CMSS1: variants seen among roughly 807,000 people sequenced by gnomAD.
The protein encoded by CMSS1 is cms1 ribosomal small subunit homolog.
CMSS1 carries 33 observed loss-of-function variants against 43.5 expected under a neutral mutation model. The observed-to-expected ratio is 0.76, with a 90% confidence interval of 0.57 to 1.01. The LOEUF is 1.01. Among genes scored for constraint, CMSS1 ranks in the 50% least tolerant of loss-of-function variants. CMSS1 has a pLI of 0.00. For synonymous variants in CMSS1, 115 were observed against 117.2 expected (o/e 0.98, Z 0.12); for missense variants, 313 against 326.4 (o/e 0.96, Z 0.32).
At chr3:99,884,546 A>C (rs773697312) in intron 1 of CMSS1, among the ~76,000 whole-genome samples, 6 of 152,152 alleles carry the variant, frequency 3.9e-5, no homozygotes, top group Admixed American at 6.5e-5. Flanking sequence ...CACTCTGCCT[A>C]CCTGCTGTCT....
chr3:99,965,047 C>G (rs970762976), intron 1 of CMSS1, among the ~76,000 whole-genome samples: 2 of 151,998 alleles, frequency 1.3e-5, no homozygotes, highest in African/African-American at 2.4e-5. Flanking sequence ...ATTATGATAC[C>G]TTATAAAGTT....
chr3:100,149,002 C>T (rs984703707), intron 2 of CMSS1, among the ~76,000 whole-genome samples: 1 of 152,192 alleles, frequency 6.6e-6, no homozygotes, highest in Non-Finnish European at 1.5e-5. Context: ...TCCCACTAAT[C>T]ATACCATAGT....
chr3:100,164,771 C>T (rs1040076475), intron 4 of CMSS1, among the ~76,000 whole-genome samples: 1 of 152,054 alleles, frequency 6.6e-6, no homozygotes, highest in African/African-American at 2.4e-5. Flanking sequence ...CTTATATATA[C>T]ACATATAAGG....
intron 1 of CMSS1, among the ~76,000 whole-genome samples, chr3:100,001,237 A>G (rs1387132282): frequency 1.3e-5 from 2 of 152,230 alleles, no homozygotes; most frequent in East Asian, 1.9e-4. Flanking sequence ...CAGCAGATCA[A>G]ATCAGACCCT....
intron 1 of CMSS1, chr3:99,851,132 TTAAA>T (rs1488461997): frequency 1.6e-6 from 2 of 1,280,716 alleles, no homozygotes; most frequent in African/African-American, 1.5e-5. Flanking sequence ...TCGAATGTAC[TTAAA>T]TATATATGTA....
chr3:99,872,269 C>CTGTGTGTGTGTGTGTGTGTG lies in CMSS1; in HGVS notation c.64+54261_64+54280dup, dbSNP rs55727823. Reference sequence around the variant, plus strand: ...ATTCTGTGGATATTCTGTGCCAGGACTGTGTGTGTGTGTGTGTGTGTGTGT... The same window carrying CTGTGTGTGTGTGTGTGTGTG: ...ATTCTGTGGATATTCTGTGCCAGGACTGTGTGTGTGTGTGTGTGTGTGTGTGTGTGTGTGTGTGTGTGTGT... On this transcript the variant is annotated intron_variant, in intron 1 of 9. Transcript: ENST00000421999. Among the ~76,000 whole-genome samples, 64 of 110,818 alleles carry CTGTGTGTGTGTGTGTGTGTG rather than the reference C, an allele frequency of 5.8e-4. 1 individual carries two copies. Among genetic ancestry groups the CTGTGTGTGTGTGTGTGTGTG allele is most frequent in the East Asian group, 6.4e-4 (2 of 3,138 alleles). The allele number at this position is 110,818 out of a possible 152,430, so 72.7% of individuals were successfully genotyped here.
intron 1 of CMSS1, among the ~76,000 whole-genome samples, chr3:99,941,267 A>G (rs1211966699): frequency 6.6e-6 from 1 of 152,184 alleles, no homozygotes; most frequent in Non-Finnish European, 1.5e-5. Flanking sequence ...TATAAAGCTC[A>G]CAGCTTATTA....
intron 1 of CMSS1, among the ~76,000 whole-genome samples, chr3:99,948,596 AAG>A (rs1190200326): frequency 1.4e-5 from 2 of 141,214 alleles, no homozygotes; most frequent in East Asian, 2.3e-4. Context: ...GGGAGAGAGA[AAG>A]AGAGGGGAGG....
intron 1 of CMSS1, among the ~76,000 whole-genome samples, chr3:99,972,509 G>C (rs1320336963): frequency 1.3e-5 from 2 of 152,148 alleles, no homozygotes; most frequent in African/African-American, 4.8e-5. Flanking sequence ...TAACAGATTG[G>C]TGACACGGCC....
At chr3:100,002,204 G>A (rs927695560) in intron 1 of CMSS1, among the ~76,000 whole-genome samples, 1 of 152,076 alleles carries the variant, frequency 6.6e-6, no homozygotes, top group Non-Finnish European at 1.5e-5. Flanking sequence ...AAAGCTGCTG[G>A]GTAAATCACG....
intron 9 of CMSS1, 49 bp downstream of exon 9, chr3:100,176,464 C>A (rs763840771): frequency 2.3e-6 from 3 of 1,278,796 alleles, no homozygotes; most frequent in Non-Finnish European, 3.4e-6. Flanking sequence ...TCTATTTGAA[C>A]TTGGTTCAAA....
At chr3:100,054,490 T>A (rs412400) in intron 1 of CMSS1, among the ~76,000 whole-genome samples, 20 of 146,086 alleles carry the variant, frequency 1.4e-4, no homozygotes, top group Admixed American at 2.1e-4. Flanking sequence ...ATGTTATGTT[T>A]TGTTATGTTA....
intron 1 of CMSS1, among the ~76,000 whole-genome samples, chr3:99,955,656 T>A (rs1708300821): frequency 6.6e-6 from 1 of 152,210 alleles, no homozygotes; most frequent in Non-Finnish European, 1.5e-5. Flanking sequence ...CCTATCAAAC[T>A]CTTTGATGAT....
intron 2 of CMSS1, among the ~76,000 whole-genome samples, chr3:100,153,335 G>A (rs767806188): frequency 3.3e-5 from 5 of 152,098 alleles, no homozygotes; most frequent in Non-Finnish European, 5.9e-5. Flanking sequence ...TCTTTCATTC[G>A]ACACAGTATT....
At chr3:99,941,026 T>TGGAGTA (rs1250828609) in intron 1 of CMSS1, among the ~76,000 whole-genome samples, 1 of 152,250 alleles carries the variant, frequency 6.6e-6, no homozygotes, top group Non-Finnish European at 1.5e-5. Context: ...TCCATTTATC[T>TGGAGTA]TCCTATAACT....
intron 1 of CMSS1, among the ~76,000 whole-genome samples, chr3:100,142,299 T>C (rs575627033): frequency 3.3e-5 from 5 of 152,094 alleles, no homozygotes; most frequent in Non-Finnish European, 7.4e-5. Context: ...AGATCAAAAA[T>C]ATTTGAAAAA....
At chr3:99,872,260 G>C (rs1257793215) in intron 1 of CMSS1, among the ~76,000 whole-genome samples, 2 of 128,158 alleles carry the variant, frequency 1.6e-5, no homozygotes, top group East Asian at 5.2e-4. Context: ...TGGATATTCT[G>C]TGCCAGGACT....
chr3:99,886,655 T>C (rs1227516854), intron 1 of CMSS1, among the ~76,000 whole-genome samples: 1 of 152,100 alleles, frequency 6.6e-6, no homozygotes, highest in Non-Finnish European at 1.5e-5. Flanking sequence ...AAGAATATTT[T>C]AAAAATATCA....
intron 1 of CMSS1, among the ~76,000 whole-genome samples, chr3:100,106,373 A>G (rs745518984): frequency 1.2e-4 from 19 of 152,130 alleles, no homozygotes; most frequent in Non-Finnish European, 2.5e-4. Flanking sequence ...GATCTGTTCC[A>G]AGGACCCTCC....
Sources: gnomAD v4.1 joint callset for allele counts (sites outside exome capture counted in the v4.1 genomes callset) on GRCh38, gnomAD v4.1.1 for gene constraint, MANE v1.5 for transcripts, NCBI Gene and HGNC (gene_info 2026-07-23, HGNC 2026-07-21) for gene names.